The following GALNTL6 variants were observed in gnomAD, a reference collection of about 807,000 sequenced individuals.
GALNTL6 encodes the protein polypeptide N-acetylgalactosaminyltransferase like 6, also known as polypeptide N-acetylgalactosaminyltransferase-like 6.
A neutral mutation model predicts 73.7 loss-of-function variants in GALNTL6; 46 were observed. That is an observed-to-expected ratio of 0.62 (90% confidence interval 0.49 to 0.80). The LOEUF (loss-of-function observed/expected upper bound fraction) is 0.80. GALNTL6 is among the 30% of genes least tolerant of loss of function. The pLI is 0.00. For missense variants in GALNTL6, 604 were observed against 755.0 expected, an observed-to-expected ratio of 0.80 and a Z score of 2.34; for synonymous variants, 259 against 263.7, an observed-to-expected ratio of 0.98 and a Z score of 0.17.
At chr4:172,162,547 C>A (rs1401588301) in intron 2 of GALNTL6, among the ~76,000 whole-genome samples, 1 of 151,794 alleles carries the variant, frequency 6.6e-6, no homozygotes, top group Non-Finnish European at 1.5e-5. Context: ...CACGAGGAAA[C>A]CTCCAAACAT....
chr4:172,552,837 T>TAAAAAAAAAAAAAAAAAAAAAAAAA (rs397933315), intron 5 of GALNTL6, among the ~76,000 whole-genome samples: 5 of 80,408 alleles, frequency 6.2e-5, no homozygotes, highest in African/African-American at 1.8e-4. Context: ...GTAATTGCAG[T>TAAAAAAAAAAAAAAAAAAAAAAAAA]AAAAAAAAAA....
At chr4:172,757,679 T>C (rs982804052) in intron 5 of GALNTL6, among the ~76,000 whole-genome samples, 4 of 152,316 alleles carry the variant, frequency 2.6e-5, no homozygotes, top group Middle Eastern at 3.4e-3. Context: ...TTAGGAAATA[T>C]CAAGTAACCT....
chr4:172,103,046 G>A (rs1259951201), intron 2 of GALNTL6, among the ~76,000 whole-genome samples: 1 of 152,160 alleles, frequency 6.6e-6, no homozygotes, highest in East Asian at 1.9e-4. Context: ...AAAGGTTCAT[G>A]GGCTAGGAAA....
At chr4:172,097,880 A>G (rs1320741045) in intron 2 of GALNTL6, among the ~76,000 whole-genome samples, 1 of 152,158 alleles carries the variant, frequency 6.6e-6, no homozygotes, top group African/African-American at 2.4e-5. Flanking sequence ...TATTCTGTTT[A>G]GAACTTGTTT....
At chr4:172,459,823 A>C (rs1376042055) in intron 5 of GALNTL6, among the ~76,000 whole-genome samples, 3 of 152,192 alleles carry the variant, frequency 2.0e-5, no homozygotes, top group Non-Finnish European at 2.9e-5. Flanking sequence ...ATCCCCATCA[A>C]GCTACCATTG....
In GALNTL6 at chr4:172,527,534, T is replaced by C. The variant is rs191383915; in HGVS notation, c.553+178845T>C. 2.0e-3 allele frequency among the ~76,000 whole-genome samples: 303 copies of C among 152,346 alleles called. 2 individuals carry two copies. The highest frequency in any genetic ancestry group is 3.8e-4 in the Non-Finnish European group (26 of 68,040). ...ATGATTCTGAATGCCCTCTGTGAAA[T>C]AGCCCTTCTTCCTTTCCATAGGATG... On this transcript the variant is annotated intron_variant, in intron 5 of 12. Transcript: ENST00000506823.
At chr4:172,720,854 G>A (rs1404351299) in intron 5 of GALNTL6, among the ~76,000 whole-genome samples, 1 of 152,110 alleles carries the variant, frequency 6.6e-6, no homozygotes. Flanking sequence ...TTATTTGTGT[G>A]TTTGTCTTTT....
At chr4:172,188,163 T>G (rs1225678205) in intron 2 of GALNTL6, among the ~76,000 whole-genome samples, 2 of 152,160 alleles carry the variant, frequency 1.3e-5, no homozygotes, top group African/African-American at 4.8e-5. Flanking sequence ...TGTCAGAAAT[T>G]GATGATATAA....
At chr4:172,632,121 C>T (rs1383080595) in intron 5 of GALNTL6, among the ~76,000 whole-genome samples, 1 of 152,170 alleles carries the variant, frequency 6.6e-6, no homozygotes, top group Non-Finnish European at 1.5e-5. Context: ...TCAATTAAAC[C>T]ACTTTTCTTT....
intron 2 of GALNTL6, among the ~76,000 whole-genome samples, chr4:171,903,534 G>A (rs1737174529): frequency 6.6e-6 from 1 of 150,886 alleles, no homozygotes; most frequent in African/African-American, 2.5e-5. Context: ...AGCAGTCTGA[G>A]ATCAAACTGC....
At chr4:172,619,534 C>A (rs564559178) in intron 5 of GALNTL6, among the ~76,000 whole-genome samples, 2 of 152,228 alleles carry the variant, frequency 1.3e-5, no homozygotes, top group Non-Finnish European at 2.9e-5. Context: ...TTGCAGTATG[C>A]CTTCATAGCT....
intron 7 of GALNTL6, 83 bp downstream of exon 7, chr4:172,813,806 T>C (rs1741451244): frequency 9.5e-7 from 1 of 1,052,556 alleles, no homozygotes; most frequent in Non-Finnish European, 1.4e-6. Context: ...AGAAGACAAT[T>C]ATCTCTAACA....
chr4:172,425,525 T>C (rs1050648414), intron 5 of GALNTL6, among the ~76,000 whole-genome samples: 3 of 151,952 alleles, frequency 2.0e-5, no homozygotes, highest in Admixed American at 6.6e-5. Flanking sequence ...AAGAAAAAAA[T>C]TGGCAAAACC....
chr4:171,959,394 C>T (rs1739148761), intron 2 of GALNTL6, among the ~76,000 whole-genome samples: 1 of 152,178 alleles, frequency 6.6e-6, no homozygotes, highest in Non-Finnish European at 1.5e-5. Flanking sequence ...AGAGCTATTA[C>T]AATTTGGGCA....
intron 2 of GALNTL6, among the ~76,000 whole-genome samples, chr4:171,967,310 G>T (rs1383071279): frequency 6.6e-6 from 1 of 152,100 alleles, no homozygotes; most frequent in Admixed American, 6.5e-5. Context: ...GATGGATCAT[G>T]GCCTTCCATT....
chr4:172,270,903 T>TAACAAACAAAACAA (rs1738623958), intron 3 of GALNTL6, among the ~76,000 whole-genome samples: 1 of 152,190 alleles, frequency 6.6e-6, no homozygotes, highest in African/African-American at 2.4e-5. Flanking sequence ...ACAAAACATG[T>TAACAAACAAAACAA]AACTAGTATA....
At chr4:173,021,367 A>T (rs1181947420) in intron 11 of GALNTL6, 109 bp from the exon 12 acceptor site, 33 of 1,120,320 alleles carry the variant, frequency 2.9e-5, no homozygotes, top group Non-Finnish European at 3.9e-6. Context: ...TTTTTGGCAG[A>T]TCACAAAGCA....
At chr4:172,299,212 T>C (rs973684933) in intron 3 of GALNTL6, among the ~76,000 whole-genome samples, 1 of 152,178 alleles carries the variant, frequency 6.6e-6, no homozygotes, top group Non-Finnish European at 1.5e-5. Flanking sequence ...TTGGTGGTGA[T>C]ATCCCCTTTA....
chr4:172,089,940 G>A (rs1210053978), intron 2 of GALNTL6, among the ~76,000 whole-genome samples: 1 of 152,142 alleles, frequency 6.6e-6, no homozygotes, highest in Admixed American at 6.6e-5. Context: ...TTATGAACGA[G>A]AACATGAGGT....
Sources: gnomAD v4.1 joint callset for allele counts (sites outside exome capture counted in the v4.1 genomes callset) on GRCh38, gnomAD v4.1.1 for gene constraint, MANE v1.5 for transcripts, NCBI Gene and HGNC (gene_info 2026-07-23, HGNC 2026-07-21) for gene names.